Variants in RORA observed in about 807,000 individuals in gnomAD.
The protein encoded by RORA is nuclear receptor ROR-alpha.
RORA carries 7 observed loss-of-function variants against 69.5 expected under a neutral mutation model. That is an observed-to-expected ratio of 0.10 (90% confidence interval 0.06 to 0.19). The LOEUF (loss-of-function observed/expected upper bound fraction) is 0.19. RORA is among the 10% of genes least tolerant of loss of function. The probability of loss-of-function intolerance (pLI) is 1.00; values close to 1 mark genes in which losing one functional copy is unlikely to be tolerated. For synonymous variants in RORA, 261 were observed against 240.8 expected (o/e 1.08, Z -0.78); for missense variants, 457 against 663.0 (o/e 0.69, Z 3.41).
At chr15:61,192,932 G>A (rs907157426) in intron 1 of RORA, among the ~76,000 whole-genome samples, 1 of 152,128 alleles carries the variant, frequency 6.6e-6, no homozygotes, top group South Asian at 2.1e-4. Flanking sequence ...CAACAGAACA[G>A]TGTTTGCACA....
intron 1 of RORA, among the ~76,000 whole-genome samples, chr15:60,830,654 G>A (rs1567206167): frequency 6.6e-6 from 1 of 152,186 alleles, no homozygotes; most frequent in Non-Finnish European, 1.5e-5. Flanking sequence ...AAGAAAAGCT[G>A]TTTCAAGTAT....
chr15:60,616,039 C>T (rs375330040), intron 2 of RORA, among the ~76,000 whole-genome samples: 1 of 152,182 alleles, frequency 6.6e-6, no homozygotes, highest in Non-Finnish European at 1.5e-5. Context: ...CTCTATTGGA[C>T]TCTTATAAAA....
At chr15:60,515,717 A>C in intron 3 of RORA, among the ~76,000 whole-genome samples, 1 of 139,086 alleles carries the variant, frequency 7.2e-6, no homozygotes, top group African/African-American at 2.7e-5. Context: ...TTAGAGGCAT[A>C]TTTCTTAATT....
At chr15:60,576,256 A>G (rs1318161404) in intron 2 of RORA, among the ~76,000 whole-genome samples, 2 of 152,094 alleles carry the variant, frequency 1.3e-5, no homozygotes, top group African/African-American at 4.8e-5. Flanking sequence ...AACGTATCCC[A>G]GTGTTCTGAG....
chr15:60,547,037 C>T (rs1025540972), intron 2 of RORA, among the ~76,000 whole-genome samples: 2 of 152,134 alleles, frequency 1.3e-5, no homozygotes, highest in African/African-American at 2.4e-5. Flanking sequence ...ATAACTGACA[C>T]GTACTGTGGG....
chr15:60,827,912 C>T (rs939560318), intron 1 of RORA, among the ~76,000 whole-genome samples: 1 of 152,232 alleles, frequency 6.6e-6, no homozygotes, highest in Non-Finnish European at 1.5e-5. Flanking sequence ...CCAGGTATAA[C>T]CGCTCATTCA....
intron 1 of RORA, among the ~76,000 whole-genome samples, chr15:61,198,566 T>C (rs1383184872): frequency 2.0e-5 from 3 of 152,022 alleles, no homozygotes; most frequent in Admixed American, 6.6e-5. Flanking sequence ...GGAAAATTCA[T>C]GTCCTGGAAA....
chr15:60,775,112 C>G (rs2072142337), intron 1 of RORA, among the ~76,000 whole-genome samples: 1 of 152,122 alleles, frequency 6.6e-6, no homozygotes, highest in Admixed American at 6.6e-5. Context: ...CTTCTTTCAA[C>G]CCTTCTCTCT....
chr15:60,775,240 C>T (rs1296162996), intron 1 of RORA, among the ~76,000 whole-genome samples: 1 of 152,102 alleles, frequency 6.6e-6, no homozygotes, highest in Non-Finnish European at 1.5e-5. Flanking sequence ...AGATTAGATT[C>T]CCCACCGAGC....
intron 1 of RORA, among the ~76,000 whole-genome samples, chr15:60,690,867 A>C (rs114034595): frequency 0.011 from 1,686 of 152,298 alleles, 36 homozygotes; most frequent in African/African-American, 0.038. Flanking sequence ...AACTGGACCC[A>C]GGAACAATTT....
chr15:60,990,880 T>C (rs1894355056), intron 1 of RORA, among the ~76,000 whole-genome samples: 2 of 152,108 alleles, frequency 1.3e-5, no homozygotes, highest in South Asian at 4.1e-4. Context: ...CAAGCAAAAA[T>C]CAAATTATAA....
intron 1 of RORA, among the ~76,000 whole-genome samples, chr15:60,973,982 T>G (rs935403773): frequency 6.6e-6 from 1 of 152,262 alleles, no homozygotes; most frequent in Non-Finnish European, 1.5e-5. Flanking sequence ...CCAAACCTTT[T>G]GTATCCAATC....
At chr15:61,165,203 C>A (rs186242986) in intron 1 of RORA, among the ~76,000 whole-genome samples, 6 of 152,340 alleles carry the variant, frequency 3.9e-5, no homozygotes. Flanking sequence ...CACGTCAACA[C>A]CACACCAGGC....
At chr15:60,695,329 A>G (rs1177075164) in intron 1 of RORA, among the ~76,000 whole-genome samples, 5 of 152,098 alleles carry the variant, frequency 3.3e-5, no homozygotes, top group Non-Finnish European at 7.4e-5. Context: ...AACCCTTAGC[A>G]TGTTCTCTTT....
chr15:60,919,697 T>C (rs1228742153), intron 1 of RORA, among the ~76,000 whole-genome samples: 1 of 152,176 alleles, frequency 6.6e-6, no homozygotes, highest in Non-Finnish European at 1.5e-5. Context: ...AAATCTGAAG[T>C]CCACACTGAT....
chr15:60,936,709 A>G (rs1892533532), intron 1 of RORA, among the ~76,000 whole-genome samples: 1 of 152,250 alleles, frequency 6.6e-6, no homozygotes. Context: ...CTTCTGCTCA[A>G]TACTTCATCT....
At chr15:60,505,737 G>T in intron 5 of RORA, 108 bp from the exon 6 acceptor site, 1 of 1,273,404 alleles carries the variant, frequency 7.9e-7, no homozygotes, top group Non-Finnish European at 1.1e-6. Flanking sequence ...TGTGCTGTGC[G>T]AGTTTTGACT....
At chr15:60,615,287 G>A (rs1366220093) in intron 2 of RORA, among the ~76,000 whole-genome samples, 1 of 152,148 alleles carries the variant, frequency 6.6e-6, no homozygotes, top group Non-Finnish European at 1.5e-5. Context: ...TCTTCTCCAC[G>A]GAGCCTTGAG....
intron 1 of RORA, among the ~76,000 whole-genome samples, chr15:60,829,563 C>A (rs1234379574): frequency 6.6e-6 from 1 of 152,142 alleles, no homozygotes; most frequent in Non-Finnish European, 1.5e-5. Flanking sequence ...TGACTCCTTC[C>A]AGAGTCATCT....
Sources: gnomAD v4.1 joint callset for allele counts (sites outside exome capture counted in the v4.1 genomes callset) on GRCh38, gnomAD v4.1.1 for gene constraint, MANE v1.5 for transcripts, NCBI Gene and HGNC (gene_info 2026-07-23, HGNC 2026-07-21) for gene names.